UTP20: variants seen among roughly 807,000 people sequenced by gnomAD.
UTP20 encodes UTP20 small subunit processome component, also known as small subunit processome component 20 homolog.
UTP20 carries 164 observed loss-of-function variants against 329.5 expected under a neutral mutation model. The ratio of observed to expected loss-of-function variants is 0.50; its 90% confidence interval spans 0.44 to 0.57. The LOEUF (loss-of-function observed/expected upper bound fraction) is 0.57, where lower values mean the gene tolerates loss of function less well. Ranked by LOEUF, UTP20 falls within the 20% of genes least tolerant of loss-of-function variation. The pLI is 0.00. For missense variants in UTP20, 3,055 were observed against 3,284.2 expected, an observed-to-expected ratio of 0.93 and a Z score of 1.71; for synonymous variants, 1,151 against 1,159.3, an observed-to-expected ratio of 0.99 and a Z score of 0.14.
intron 29 of UTP20, among the ~76,000 whole-genome samples, chr12:101,337,193 A>G (rs892812889): frequency 5.3e-5 from 8 of 152,228 alleles, no homozygotes; most frequent in Admixed American, 3.3e-4. Context: ...TGTCTTGTGT[A>G]GAGCCTACCC....
chr12:101,376,024 CTATT>C (rs888470551), intron 56 of UTP20, among the ~76,000 whole-genome samples: 8 of 151,620 alleles, frequency 5.3e-5, no homozygotes, highest in Non-Finnish European at 1.0e-4. Context: ...TCTTTTTTTC[CTATT>C]TATTTATTTT....
At chr12:101,375,867 A>C (rs1870453559) in intron 56 of UTP20, 111 bp downstream of exon 56, 4 of 667,774 alleles carry the variant, frequency 6.0e-6, no homozygotes, top group Non-Finnish European at 9.7e-6. Context: ...CAATGTCAGG[A>C]AAAGAGTCCA....
chr12:101,319,489 A>C (rs948473954), intron 22 of UTP20, 56 bp from the exon 23 acceptor site: 1 of 1,392,308 alleles, frequency 7.2e-7, no homozygotes, highest in Non-Finnish European at 9.9e-7. Flanking sequence ...TGTCAGTTTA[A>C]GAAAATGATC....
In UTP20 at chr12:101,354,854, A is replaced by T. The variant is rs1869663837; in HGVS notation, c.5130A>T (p.Leu1710Phe). The T allele has an allele frequency of 6.2e-7, 1 of 1,613,834 alleles. No homozygotes were observed. The highest frequency in any genetic ancestry group is 8.5e-7 in the Non-Finnish European group (1 of 1,179,930). The change falls in exon 41 of 62, where the codon TTA becomes TTT. Residue 1710 changes from leucine to phenylalanine, a missense_variant. Physicochemically the swap from Leu to Phe is conservative, Grantham distance 22. Around this residue, in one of 3 missense-constraint regions of UTP20, gnomAD observed 2,445 missense variants for 2,575.5 expected, o/e 0.95. Coordinates refer to ENST00000261637, the MANE Select transcript of UTP20 (RefSeq NM_014503.3). ...NEENAIEAIE[L>F]PEPEAMELER... ...TAGACGCAATTGAAGCAATTGAGTT[A>T]CCAGAGCCTGAGGCCATGGAATTAG...
chr12:101,301,154 GT>G (rs1472469006), intron 14 of UTP20, among the ~76,000 whole-genome samples: 1 of 152,148 alleles, frequency 6.6e-6, no homozygotes. Context: ...AGACCATATA[GT>G]TTGCTGACCT....
intron 41 of UTP20, among the ~76,000 whole-genome samples, chr12:101,356,315 G>C (rs970964285): frequency 1.1e-4 from 17 of 152,022 alleles, no homozygotes; most frequent in Non-Finnish European, 2.5e-4. Context: ...TAGTAGAGAC[G>C]GGGTTTCTCC....
rs756559736 is a variant in UTP20, at chr12:101,365,514, G to A, written c.6014G>A (p.Arg2005His). Residue 2005 changes from arginine (R) to histidine (H), a missense_variant, in exon 46 of 62, where the codon CGC (arginine) becomes CAC (histidine). This residue lies in a region of UTP20 where 2,445 missense variants were observed against 2,575.5 expected (regional missense o/e 0.95). Transcript: ENST00000261637. ...GCCCGGAAAGTTCATGAAACTTTAC[G>A]CCGAATCACAGTGGGATTAATTGTA... ...KLARKVHETL[R>H]RITVGLIVNQ... 14 of 1,612,204 alleles carry A rather than the reference G, an allele frequency of 8.7e-6. No individual in the cohort carries two copies. Among genetic ancestry groups the A allele is most frequent in the Admixed American group, 1.7e-5 (1 of 59,614 alleles).
At chr12:101,287,530 C>T (rs1835600800) in intron 5 of UTP20, among the ~76,000 whole-genome samples, 2 of 152,200 alleles carry the variant, frequency 1.3e-5, no homozygotes, top group Admixed American at 1.3e-4. Context: ...AAACTGAACT[C>T]AACACTTTCC....
chr12:101,353,030 A>G lies in UTP20; in HGVS notation c.5025-17A>G, dbSNP rs371311218. Reference sequence around the variant, plus strand: ...AATAATCAAATGAACATTTCTGTATACTTTTTTTTTTAACAGTTTGCTAGT... The same window carrying G: ...AATAATCAAATGAACATTTCTGTATGCTTTTTTTTTTAACAGTTTGCTAGT... On this transcript the variant is annotated splice_polypyrimidine_tract_variant and intron_variant, in intron 39 of 61. Transcript: ENST00000261637. 16 of 1,464,616 alleles carry G rather than the reference A, an allele frequency of 1.1e-5. No individual in the cohort carries two copies. The highest frequency in any genetic ancestry group is 1.4e-5 in the African/African-American group (1 of 71,500). The allele number at this position is 1,464,616 out of a possible 1,614,324, so 90.7% of individuals were successfully genotyped here. A position where few individuals can be genotyped will look rare whatever the true frequency, so the allele number is the denominator to read the frequency against.
At position 101,311,689 on chromosome 12, in the gene UTP20, T is replaced by G. The variant is rs138084355; in HGVS notation, c.2232-30T>G. 4.0e-4 allele frequency: 628 copies of G among 1,587,026 alleles called. 4 individuals are homozygous for G. The East Asian group carries it at 0.013, about 33-fold the overall frequency. On this transcript the variant is annotated intron_variant, in intron 19 of 61. Coordinates refer to ENST00000261637, the MANE Select transcript of UTP20 (RefSeq NM_014503.3). ...AATCTTAAAATGGCCATACCACACT[T>G]TTTATTTTGTGATTTTTTTTTTCCC...
chr12:101,362,682 C>T (rs1382640755), intron 44 of UTP20, among the ~76,000 whole-genome samples: 3 of 132,190 alleles, frequency 2.3e-5, no homozygotes, highest in African/African-American at 3.9e-5. Context: ...TCAGCCTGGG[C>T]GACAGAGTGA....
Position 101,344,684 on chromosome 12 carries a change from C to G in UTP20, c.4539C>G (p.Asp1513Glu). 6.2e-7 allele frequency: 1 copy of G among 1,610,416 alleles called. No homozygotes were observed. Among genetic ancestry groups the G allele is most frequent in the Non-Finnish European group, 8.5e-7 (1 of 1,176,730 alleles). ...KLAALNVTEK[D>E]YREIIHRSLL... ...CTGCCTTGAATGTCACAGAGAAAGACTATAGAGAAATCATCCACCGTTCAC... is the reference window on the plus strand; with the variant it reads ...CTGCCTTGAATGTCACAGAGAAAGAGTATAGAGAAATCATCCACCGTTCAC... The change falls in exon 36 of 62, where the codon GAC becomes GAG. Residue 1513 changes from aspartate (D) to glutamate (E), a missense_variant. Transcript: ENST00000261637.
At chr12:101,359,360 C>T (rs1171395540) in intron 43 of UTP20, among the ~76,000 whole-genome samples, 3 of 152,066 alleles carry the variant, frequency 2.0e-5, no homozygotes, top group Non-Finnish European at 4.4e-5. Flanking sequence ...GCGACTGCAC[C>T]CAGCCCCAGT....
At chr12:101,364,807 G>C (rs1870039028) in intron 45 of UTP20, among the ~76,000 whole-genome samples, 1 of 152,128 alleles carries the variant, frequency 6.6e-6, no homozygotes, top group South Asian at 2.1e-4. Flanking sequence ...AAGAATGTTA[G>C]ATGCATTTTC....
At chr12:101,282,798 T>C (rs979911517) in intron 2 of UTP20, among the ~76,000 whole-genome samples, 2 of 152,210 alleles carry the variant, frequency 1.3e-5, no homozygotes, top group Non-Finnish European at 2.9e-5. Flanking sequence ...TGTGAGGATT[T>C]GACTGTTATC....
chr12:101,283,664 A>G (rs530268712), intron 2 of UTP20, among the ~76,000 whole-genome samples: 1 of 152,306 alleles, frequency 6.6e-6, no homozygotes, highest in African/African-American at 2.4e-5. Context: ...GCCTTAAAGG[A>G]CATGAAAATG....
Position 101,293,157 on chromosome 12 carries a change from C to T in UTP20, c.1174-11C>T. On this transcript the variant is annotated splice_polypyrimidine_tract_variant and intron_variant, in intron 10 of 61. Transcript: ENST00000261637. ...GTGTACTTACATTAATATTTTTTAC[C>T]TTGGTCACAGATATTTGAGAGCAGA... is the stretch of plus-strand genomic sequence containing the variant. 1 of 1,612,858 alleles carries T rather than the reference C, an allele frequency of 6.2e-7. No individual in the cohort carries two copies. The highest frequency in any genetic ancestry group is 8.5e-7 in the Non-Finnish European group (1 of 1,179,094).
chr12:101,352,668 G>T (rs574189010), intron 39 of UTP20, among the ~76,000 whole-genome samples: 5 of 135,854 alleles, frequency 3.7e-5, no homozygotes, highest in South Asian at 2.2e-4. Flanking sequence ...GTTGTGGGGT[G>T]GGGGGAGTGG....
rs549641642 is a variant in UTP20 at position 101,310,577 on chromosome 12, CAAA to C, written c.2231+757_2231+759del. Among the ~76,000 whole-genome samples the C allele has an allele frequency of 9.2e-4, 41 of 44,366 alleles. 1 individual carries two copies. Among genetic ancestry groups the C allele is most frequent in the South Asian group, 3.6e-3 (4 of 1,096 alleles). The allele number at this position is 44,366 out of a possible 152,430, so 29.1% of individuals were successfully genotyped here. On this transcript the variant is annotated intron_variant, in intron 19 of 61. Transcript: ENST00000261637. ...GCAACAAGAGTGAAACTCTGTCTCC[CAAA>C]AAAAAAAAAAAAAAAAAATACATGT... is the stretch of plus-strand genomic sequence containing the variant.
Sources: gnomAD v4.1 joint callset for allele counts (sites outside exome capture counted in the v4.1 genomes callset) on GRCh38, gnomAD v4.1.1 for gene constraint, gnomAD v4.1.1 regional missense constraint, MANE v1.5 for transcripts, NCBI Gene and HGNC (gene_info 2026-07-23, HGNC 2026-07-21) for gene names.